The following MAP3K5 variants were observed in gnomAD, a reference collection of about 807,000 sequenced individuals.
MAP3K5 encodes the protein ASK-1.
Under a neutral mutation model 158.7 loss-of-function variants are expected in MAP3K5, and 56 were observed. That is an observed-to-expected ratio of 0.35 (90% CI 0.28 to 0.44). The LOEUF (loss-of-function observed/expected upper bound fraction) is 0.44, where lower values mean the gene tolerates loss of function less well. Among genes scored for constraint, MAP3K5 ranks in the 20% least tolerant of loss-of-function variants. The probability of loss-of-function intolerance (pLI) is 1.00; values close to 1 mark genes in which losing one functional copy is unlikely to be tolerated. For missense variants in MAP3K5, 1,294 were observed against 1,674.8 expected, an observed-to-expected ratio of 0.77 and a Z score of 3.97; for synonymous variants, 579 against 601.7, an observed-to-expected ratio of 0.96 and a Z score of 0.55.
At chr6:136,625,956 T>C (rs117548506) in intron 14 of MAP3K5, among the ~76,000 whole-genome samples, 1 of 152,142 alleles carries the variant, frequency 6.6e-6, no homozygotes, top group Non-Finnish European at 1.5e-5. Context: ...GAGAATTGAA[T>C]ACAACTTCCA....
At chr6:136,617,407 T>A (rs1039438535) in intron 15 of MAP3K5, among the ~76,000 whole-genome samples, 4 of 152,240 alleles carry the variant, frequency 2.6e-5, no homozygotes, top group Admixed American at 2.6e-4. Flanking sequence ...TATTTTGGTT[T>A]TGACAAAACT....
At chr6:136,720,778 C>T (rs1781716237) in intron 1 of MAP3K5, among the ~76,000 whole-genome samples, 189 bp from the exon 2 acceptor site, 1 of 152,070 alleles carries the variant, frequency 6.6e-6, no homozygotes, top group East Asian at 1.9e-4. Context: ...ATGTAACAAA[C>T]CTCCTTTTTC....
chr6:136,605,065 G>C (rs1776045363), intron 19 of MAP3K5, 144 bp downstream of exon 19: 1 of 752,382 alleles, frequency 1.3e-6, no homozygotes. Context: ...TTCTAACCGA[G>C]AGAGAATCTT....
intron 29 of MAP3K5, 150 bp downstream of exon 29, chr6:136,558,650 A>G: frequency 2.0e-6 from 1 of 496,240 alleles, no homozygotes; most frequent in East Asian, 3.1e-5. Flanking sequence ...TCATTGTCCA[A>G]CTAACTCAGT....
chr6:136,738,056 C>T (rs539813721), intron 1 of MAP3K5, among the ~76,000 whole-genome samples: 5 of 152,288 alleles, frequency 3.3e-5, no homozygotes, highest in Admixed American at 3.3e-4. Flanking sequence ...TACACCACCA[C>T]CCACCGAATG....
At chr6:136,662,495 C>A (rs150596660) in intron 8 of MAP3K5, among the ~76,000 whole-genome samples, 56 of 152,088 alleles carry the variant, frequency 3.7e-4, no homozygotes, top group South Asian at 1.5e-3. Context: ...GAAGTCCGTT[C>A]TCTCTGTCTC....
chr6:136,726,112 C>G (rs1285353111), intron 1 of MAP3K5, among the ~76,000 whole-genome samples: 1 of 152,184 alleles, frequency 6.6e-6, no homozygotes, highest in Non-Finnish European at 1.5e-5. Flanking sequence ...TGGTTTTCAA[C>G]TCTATTCTGT....
chr6:136,585,657 C>T (rs1045832397), intron 23 of MAP3K5, among the ~76,000 whole-genome samples: 6 of 151,784 alleles, frequency 4.0e-5, no homozygotes, highest in Admixed American at 2.6e-4. Context: ...CTGTCATGCC[C>T]AGCTAACTTT....
chr6:136,687,084 C>T (rs1179528023), intron 7 of MAP3K5, among the ~76,000 whole-genome samples: 3 of 152,096 alleles, frequency 2.0e-5, no homozygotes, highest in African/African-American at 7.2e-5. Flanking sequence ...ATACATAGAC[C>T]AATGGAACAC....
chr6:136,716,413 G>A (rs868082672), intron 2 of MAP3K5, among the ~76,000 whole-genome samples: 5 of 152,128 alleles, frequency 3.3e-5, no homozygotes, highest in African/African-American at 4.8e-5. Context: ...AAGTAGCATT[G>A]TTTAAAGTGA....
At chr6:136,769,810 A>AGGGAGGGAGGGAGGGAGGGAGGGAGGGG (rs1562691253) in intron 1 of MAP3K5, among the ~76,000 whole-genome samples, 1 of 26,330 alleles carries the variant, frequency 3.8e-5, no homozygotes. Flanking sequence ...GGAGGGAGGG[A>AGGGAGGGAGGGAGGGAGGGAGGGAGGGG]GGGGACGGGA....
intron 14 of MAP3K5, among the ~76,000 whole-genome samples, chr6:136,624,067 G>A (rs151179037): frequency 2.0e-5 from 3 of 152,032 alleles, no homozygotes; most frequent in Non-Finnish European, 4.4e-5. Context: ...GGTGGTGCAC[G>A]CCTGTAATCC....
intron 2 of MAP3K5, among the ~76,000 whole-genome samples, chr6:136,718,816 C>A (rs185540369): frequency 6.6e-6 from 1 of 152,034 alleles, no homozygotes; most frequent in Non-Finnish European, 1.5e-5. Flanking sequence ...CTAGCAGGAG[C>A]AAGAGCAAAA....
intron 5 of MAP3K5, 81 bp downstream of exon 5, chr6:136,697,138 C>T (rs1780634190): frequency 2.3e-6 from 3 of 1,286,428 alleles, no homozygotes; most frequent in African/African-American, 1.5e-5. Context: ...TGCTTACCAG[C>T]AAACTGAAAT....
intron 7 of MAP3K5, among the ~76,000 whole-genome samples, chr6:136,680,021 AG>A: frequency 6.6e-6 from 1 of 151,884 alleles, no homozygotes; most frequent in East Asian, 1.9e-4. Context: ...GGAAGATTTG[AG>A]GGCCTTATGC....
rs1397553221 is a variant in MAP3K5, at chr6:136,716,900, G to A, written c.588+3550C>T. 5.3e-5 allele frequency among the ~76,000 whole-genome samples: 8 copies of A among 152,170 alleles called. No homozygotes were observed. The East Asian group carries it at 1.5e-3, about 29-fold the overall frequency. On this transcript the variant is annotated intron_variant, in intron 2 of 29. Transcript: ENST00000359015. ...TGGCCAGGCACAGTGGCTCACGCCT[G>A]TGATCCCAGCACTTTGGGGGGCCGA...
At chr6:136,678,149 T>A (rs911480724) in intron 7 of MAP3K5, among the ~76,000 whole-genome samples, 1 of 151,970 alleles carries the variant, frequency 6.6e-6, no homozygotes, top group Non-Finnish European at 1.5e-5. Context: ...ATTTTCTGGG[T>A]TTTTTTTATT....
intron 25 of MAP3K5, among the ~76,000 whole-genome samples, chr6:136,570,857 T>C (rs375494508): frequency 2.4e-4 from 36 of 152,296 alleles, no homozygotes; most frequent in African/African-American, 8.2e-4. Context: ...TTCTATGAAT[T>C]TGACTACTCT....
At chr6:136,784,304 T>C (rs772412246) in intron 1 of MAP3K5, among the ~76,000 whole-genome samples, 21 of 152,312 alleles carry the variant, frequency 1.4e-4, no homozygotes, top group Non-Finnish European at 2.4e-4. Flanking sequence ...AAAACTAATT[T>C]TGTGCTCTGG....
Sources: allele counts gnomAD v4.1 joint callset (sites outside exome capture counted in the v4.1 genomes callset), GRCh38; gene constraint gnomAD v4.1.1; transcripts MANE v1.5; gene names NCBI Gene and HGNC (gene_info 2026-07-23, HGNC 2026-07-21).